The following CNTNAP5 variants were observed in gnomAD, a reference collection of about 807,000 sequenced individuals.
The protein encoded by CNTNAP5 is contactin-associated protein-like 5.
CNTNAP5 carries 72 observed loss-of-function variants against 150.2 expected under a neutral mutation model. The ratio of observed to expected loss-of-function variants is 0.48; its 90% CI spans 0.40 to 0.58. The LOEUF (loss-of-function observed/expected upper bound fraction) is 0.58, where lower values mean the gene tolerates loss of function less well. Ranked by LOEUF, CNTNAP5 falls within the 20% of genes least tolerant of loss-of-function variation. The pLI is 0.00. For missense variants in CNTNAP5, 1,636 were observed against 1,626.2 expected (o/e 1.01, Z -0.10); for synonymous variants, 672 against 619.8 (o/e 1.08, Z -1.25).
At chr2:124,579,887 T>G (rs1696371352) in intron 11 of CNTNAP5, among the ~76,000 whole-genome samples, 1 of 152,240 alleles carries the variant, frequency 6.6e-6, no homozygotes, top group Non-Finnish European at 1.5e-5. Context: ...GCAATTGTTT[T>G]GGACTGAGTT....
chr2:124,039,843 G>A (rs1024399864), intron 1 of CNTNAP5, among the ~76,000 whole-genome samples: 5 of 145,138 alleles, frequency 3.4e-5, no homozygotes, highest in African/African-American at 1.0e-4. Flanking sequence ...ATATTAAATA[G>A]TATGCACACA....
intron 1 of CNTNAP5, among the ~76,000 whole-genome samples, chr2:124,207,415 C>T (rs1685889840): frequency 1.3e-5 from 2 of 152,162 alleles, no homozygotes; most frequent in African/African-American, 4.8e-5. Flanking sequence ...CAAACCAACT[C>T]CTTGTCAGAC....
At chr2:124,478,941 G>C (rs554439943) in intron 7 of CNTNAP5, among the ~76,000 whole-genome samples, 1 of 152,274 alleles carries the variant, frequency 6.6e-6, no homozygotes, top group South Asian at 2.1e-4. Flanking sequence ...CATTCAGCAG[G>C]CATCCTCATT....
intron 1 of CNTNAP5, among the ~76,000 whole-genome samples, chr2:124,186,596 C>G (rs1027887441): frequency 2.6e-5 from 4 of 152,128 alleles, no homozygotes; most frequent in African/African-American, 9.7e-5. Context: ...TTTAGTTAAA[C>G]TCATCATCAA....
At chr2:124,164,847 C>A (rs1033973178) in intron 1 of CNTNAP5, among the ~76,000 whole-genome samples, 1 of 152,112 alleles carries the variant, frequency 6.6e-6, no homozygotes, top group Admixed American at 6.6e-5. Context: ...GAGGGTAGAT[C>A]TCAGCTGGGG....
chr2:124,621,005 GGA>G (rs1677603715), intron 12 of CNTNAP5, among the ~76,000 whole-genome samples: 1 of 152,056 alleles, frequency 6.6e-6, no homozygotes, highest in Non-Finnish European at 1.5e-5. Context: ...CTTGGAGCCT[GGA>G]GAGAGCATTT....
chr2:124,656,268 A>G (rs924823144), intron 13 of CNTNAP5, among the ~76,000 whole-genome samples: 14 of 152,266 alleles, frequency 9.2e-5, no homozygotes, highest in Middle Eastern at 3.4e-3. Flanking sequence ...TTCTAACTCA[A>G]AGTCTAGGCC....
intron 18 of CNTNAP5, among the ~76,000 whole-genome samples, chr2:124,793,971 T>C (rs1681791038): frequency 6.6e-6 from 1 of 152,230 alleles, no homozygotes; most frequent in African/African-American, 2.4e-5. Flanking sequence ...TAATCATTAA[T>C]AGGGAATTGC....
At chr2:124,644,993 A>T (rs1326668548) in intron 12 of CNTNAP5, among the ~76,000 whole-genome samples, 1 of 152,224 alleles carries the variant, frequency 6.6e-6, no homozygotes, top group East Asian at 1.9e-4. Flanking sequence ...ATAAACCAGT[A>T]GCACAACATT....
chr2:124,201,562 A>G lies in CNTNAP5; in HGVS notation c.83-20143A>G, dbSNP rs56079316. On this transcript the variant is annotated intron_variant, in intron 1 of 23. Coordinates refer to ENST00000682447, the MANE Select transcript of CNTNAP5 (RefSeq NM_001367498.1). ...CATCTAAAACCCTGCTTCTTTTAAC[A>G]CTTAACCTCTCCCCATGGGGCTCAC... Among the ~76,000 whole-genome samples the G allele has an allele frequency of 2.0e-5, 3 of 152,356 alleles. No individual in the cohort carries two copies. In the South Asian group the frequency reaches 6.2e-4, roughly 32 times the overall value.
intron 3 of CNTNAP5, among the ~76,000 whole-genome samples, chr2:124,416,639 A>AT (rs1311395323): frequency 2.6e-5 from 4 of 152,064 alleles, no homozygotes; most frequent in Admixed American, 6.5e-5. Flanking sequence ...TGATTTGGAG[A>AT]TTTTTTTCCT....
intron 12 of CNTNAP5, among the ~76,000 whole-genome samples, chr2:124,638,697 A>G (rs1678024608): frequency 6.6e-6 from 1 of 152,138 alleles, no homozygotes. Flanking sequence ...ACTTTTTTAG[A>G]TAACTATTTA....
intron 6 of CNTNAP5, among the ~76,000 whole-genome samples, chr2:124,465,890 G>A (rs1394380032): frequency 1.2e-4 from 18 of 152,094 alleles, no homozygotes. Flanking sequence ...ATGGATCTAG[G>A]AGTTCTTGGA....
intron 3 of CNTNAP5, among the ~76,000 whole-genome samples, chr2:124,380,860 A>G (rs1690774394): frequency 6.6e-6 from 1 of 152,216 alleles, no homozygotes; most frequent in African/African-American, 2.4e-5. Context: ...CAAGGAAACA[A>G]GCATGCTCTA....
In CNTNAP5 at chr2:124,724,175, A is replaced by AATG. The variant is rs1553435582; in HGVS notation, c.2078-23048_2078-23046dup. ...TAATAATAATAATAATAATAATAAT[A>AATG]ATGATGATACAGATCTTATCTCTAA... On this transcript the variant is annotated intron_variant, in intron 13 of 23. Coordinates refer to ENST00000682447, the MANE Select transcript of CNTNAP5 (RefSeq NM_001367498.1). Among the ~76,000 whole-genome samples the AATG allele has an allele frequency of 3.4e-3, 507 of 149,648 alleles. 8 individuals are homozygous for AATG. The highest frequency in any genetic ancestry group is 0.012 in the African/African-American group (476 of 40,652).
chr2:124,351,313 C>T (rs187395043), intron 3 of CNTNAP5, among the ~76,000 whole-genome samples: 15 of 152,236 alleles, frequency 9.9e-5, no homozygotes, highest in Non-Finnish European at 1.5e-5. Context: ...AGTTAAAGTA[C>T]GGAGAGAAGG....
At position 124,112,884 on chromosome 2, in the gene CNTNAP5, T is replaced by C. The variant is rs150006315; in HGVS notation, c.82+87152T>C. Among the ~76,000 whole-genome samples the C allele has an allele frequency of 5.7e-3, 867 of 152,334 alleles. 10 individuals are homozygous for C. The highest frequency in any genetic ancestry group is 0.019 in the African/African-American group (794 of 41,576). On this transcript the variant is annotated intron_variant, in intron 1 of 23. Coordinates refer to ENST00000682447, the MANE Select transcript of CNTNAP5 (RefSeq NM_001367498.1). Reference sequence around the variant, plus strand: ...ATGTCCCCTTAAGGTTCTTTCAAGTTGTTTGCAGCAATACAGATATTTCAT... The same window carrying C: ...ATGTCCCCTTAAGGTTCTTTCAAGTCGTTTGCAGCAATACAGATATTTCAT...
chr2:124,504,589 T>A, intron 8 of CNTNAP5, 33 bp downstream of exon 8: 1 of 1,603,692 alleles, frequency 6.2e-7, no homozygotes, highest in Non-Finnish European at 8.5e-7. Context: ...ATCAGCTTCT[T>A]GTTTATCCAA....
intron 13 of CNTNAP5, among the ~76,000 whole-genome samples, chr2:124,696,312 C>G (rs550736939): frequency 9.9e-5 from 15 of 152,284 alleles, no homozygotes; most frequent in African/African-American, 3.1e-4. Flanking sequence ...TCTGCTTTCC[C>G]TTATGCCTTC....
Sources: allele counts gnomAD v4.1 joint callset (sites outside exome capture counted in the v4.1 genomes callset), GRCh38; gene constraint gnomAD v4.1.1; transcripts MANE v1.5; gene names NCBI Gene and HGNC (gene_info 2026-07-23, HGNC 2026-07-21).